COL11A2: variants seen among roughly 807,000 people sequenced by gnomAD.
COL11A2 encodes the protein collagen type XI alpha 2 chain, also known as collagen alpha-2(XI) chain.
A neutral mutation model predicts 273.4 loss-of-function variants in COL11A2; 116 were observed. The ratio of observed to expected loss-of-function variants is 0.42; its 90% CI spans 0.36 to 0.49. The LOEUF is 0.49. COL11A2 is among the 20% of genes least tolerant of loss of function. The probability of loss-of-function intolerance (pLI) is 0.00; values close to 1 mark genes in which losing one functional copy is unlikely to be tolerated. For synonymous variants in COL11A2, 782 were observed against 864.2 expected, an observed-to-expected ratio of 0.90 and a Z score of 1.67; for missense variants, 1,866 against 2,309.0, an observed-to-expected ratio of 0.81 and a Z score of 3.93.
chr6:33,185,956 G>A (rs1159040584), intron 5 of COL11A2, among the ~76,000 whole-genome samples, 178 bp from the exon 6 acceptor site: 3 of 151,766 alleles, frequency 2.0e-5, no homozygotes, highest in Admixed American at 1.3e-4. Context: ...AGGGAGGTGG[G>A]GAGAGGTGGA....
At chr6:33,184,032 G>A (rs1011865333) in intron 8 of COL11A2, 113 bp downstream of exon 8, 1 of 929,680 alleles carries the variant, frequency 1.1e-6, no homozygotes, top group Non-Finnish European at 1.6e-6. Context: ...AAAATGACAA[G>A]TCACAGATGG....
At chr6:33,175,903 A>G in intron 29 of COL11A2, 113 bp downstream of exon 29, 1 of 1,357,536 alleles carries the variant, frequency 7.4e-7, no homozygotes. Flanking sequence ...AAGGGAACAC[A>G]GCACTGGAAC....
In COL11A2 at chr6:33,171,103, G is replaced by A. The variant is rs754006806; in HGVS notation, c.3366+11C>T. 1.9e-6 allele frequency: 3 copies of A among 1,575,418 alleles called. No homozygotes were observed. The Admixed American group carries it at 5.7e-5, about 30-fold the overall frequency. On this transcript the variant is annotated intron_variant, in intron 45 of 65. Coordinates refer to ENST00000341947, the MANE Select transcript of COL11A2 (RefSeq NM_080680.3). ...TGCTGGGCCTTCGGTGGGGGTGGAG[G>A]GGTCACTCACCGCTGCTCCAGGCTG... is the stretch of plus-strand genomic sequence containing the variant.
chr6:33,192,725 C>T (rs1330555530), upstream of COL11A2, among the ~76,000 whole-genome samples: 2 of 152,126 alleles, frequency 1.3e-5, no homozygotes, highest in African/African-American at 4.8e-5. Flanking sequence ...CCCAAACGTC[C>T]AGTCACACAC....
chr6:33,188,275 T>G, intron 4 of COL11A2, 87 bp downstream of exon 4: 1 of 1,470,660 alleles, frequency 6.8e-7, no homozygotes, highest in Non-Finnish European at 9.5e-7. Flanking sequence ...GCCTAGGGAA[T>G]AGGAAGATGA....
In COL11A2 at chr6:33,180,894, G is replaced by C. The variant is rs541810051; in HGVS notation, c.1221+70C>G. 3.8e-6 allele frequency: 6 copies of C among 1,592,276 alleles called. No individual in the cohort carries two copies. In the East Asian group the frequency reaches 1.3e-4, roughly 36 times the overall value. ...AGGAGGAGGCCTGGGCATATGTGGG[G>C]AAGGCTCAGATGAGCACATAGAAGG... On this transcript the variant is annotated intron_variant, in intron 10 of 65. Coordinates refer to ENST00000341947, the MANE Select transcript of COL11A2 (RefSeq NM_080680.3).
chr6:33,172,697 G>A lies in COL11A2; in HGVS notation c.2791-60C>T, dbSNP rs140892262. 9.0e-5 allele frequency: 131 copies of A among 1,460,656 alleles called. 1 individual carries two copies. The highest frequency in any genetic ancestry group is 5.9e-4 in the East Asian group (26 of 43,928). 90.5% of individuals were successfully genotyped at this position (1,460,656 alleles called of 1,614,324 possible). ...CCCTTCATCTCGCTGTCTGCCAGAA[G>A]AGCCCACCCTGGCCACCCTAAAACA... On this transcript the variant is annotated intron_variant, in intron 38 of 65. Coordinates refer to ENST00000341947, the MANE Select transcript of COL11A2 (RefSeq NM_080680.3).
Position 33,174,543 on chromosome 6 carries a change from C to A in COL11A2, c.2414G>T (p.Gly805Val). 2 of 1,612,616 alleles carry A rather than the reference C, an allele frequency of 1.2e-6. No homozygotes were observed. Among genetic ancestry groups the A allele is most frequent in the South Asian group, 1.1e-5 (1 of 90,988 alleles). The part of the protein sequence containing the change: ...LGVPGLPGYP[G>V]RQGPKGSLGF... ...TGGCATCACCTTGGGTCCCTGACGT[C>A]CAGGATAGCCAGGCAGACCAGGAAC... Residue 805 changes from glycine to valine, a missense_variant, in exon 31 of 66, where the codon GGA becomes GTA. Physicochemically the swap from Gly to Val is moderately radical, Grantham distance 109. Coordinates refer to ENST00000341947, the MANE Select transcript of COL11A2 (RefSeq NM_080680.3).
chr6:33,166,407 G>T lies in COL11A2; in HGVS notation c.4392+106C>A. ...TGACAGGACAAATGGGGGACCCTGA[G>T]GACTATGCTTGTTAGGCTGGTAGTT... is the stretch of plus-strand genomic sequence containing the variant. On this transcript the variant is annotated intron_variant, in intron 60 of 65. Coordinates refer to ENST00000341947, the MANE Select transcript of COL11A2 (RefSeq NM_080680.3). This position sits in a 1 kb window ranked among gnomAD's most constrained non-coding sequence, Gnocchi z 4.8. The T allele has an allele frequency of 7.1e-7, 1 of 1,402,356 alleles. No homozygotes were observed. The highest frequency in any genetic ancestry group is 9.9e-7 in the Non-Finnish European group (1 of 1,011,638). 86.9% of individuals were successfully genotyped at this position (1,402,356 alleles called of 1,614,324 possible). A position where few individuals can be genotyped will look rare whatever the true frequency, so the allele number is the denominator to read the frequency against.
intron 5 of COL11A2, 113 bp downstream of exon 5, chr6:33,186,514 G>C: frequency 6.3e-7 from 1 of 1,580,206 alleles, no homozygotes; most frequent in Non-Finnish European, 8.6e-7. Flanking sequence ...TAGGAGGAGG[G>C]GGTGATGGGA....
In COL11A2 at chr6:33,177,438, C is replaced by T. The variant is rs1420166509; in HGVS notation, c.1945G>A (p.Gly649Arg). The change falls in exon 23 of 66, where the codon GGA (glycine) becomes AGA (arginine). Residue 649 changes from glycine (G) to arginine (R), a missense_variant. Coordinates refer to ENST00000341947, the MANE Select transcript of COL11A2 (RefSeq NM_080680.3). This position sits in a 1 kb window ranked among gnomAD's most constrained non-coding sequence, Gnocchi z 5.9. ...LGPQGEPGPP[G>R]QQGTPGTQGL... ...TGGGTCCCAGGGGTGCCCTGTTGTC[C>T]AGGAGGTCCTGGCTCTCCCTGGGGT... The T allele has an allele frequency of 6.2e-7, 1 of 1,612,928 alleles. No individual in the cohort carries two copies.
chr6:33,177,774 G>A lies in COL11A2; in HGVS notation c.1873-68C>T, dbSNP rs1014944635. Reference sequence around the variant, plus strand: ...AGGGACCTGTGGTTTTCAGAGGCCCGGCCATTCCCGAGGGTGTGACGGTCA... The same window carrying A: ...AGGGACCTGTGGTTTTCAGAGGCCCAGCCATTCCCGAGGGTGTGACGGTCA... On this transcript the variant is annotated intron_variant, in intron 21 of 65. Coordinates refer to ENST00000341947, the MANE Select transcript of COL11A2 (RefSeq NM_080680.3). The surrounding 1 kb of genome is among the most constrained non-coding windows in gnomAD (Gnocchi z 5.9). 1.7e-5 allele frequency: 26 copies of A among 1,558,924 alleles called. No homozygotes were observed. The highest frequency in any genetic ancestry group is 6.8e-5 in the African/African-American group (5 of 73,730).
rs1297990675 is a variant in COL11A2, at chr6:33,163,604, G to C, written c.*74C>G. On this transcript the variant is annotated 3_prime_UTR_variant, in exon 66 of 66. Transcript: ENST00000341947. The surrounding 1 kb of genome is among the most constrained non-coding windows in gnomAD (Gnocchi z 4.1). ...TAGATAGTGAGGAGCCCTCTTGGGA[G>C]GTGGCACAGAGCTGATGTTGTGGGA... The C allele has an allele frequency of 2.5e-6, 4 of 1,608,702 alleles. No individual in the cohort carries two copies. The highest frequency in any genetic ancestry group is 2.2e-5 in the South Asian group (2 of 91,020).
chr6:33,172,657 G>T lies in COL11A2; in HGVS notation c.2791-20C>A. 1 of 1,593,226 alleles carries T rather than the reference G, an allele frequency of 6.3e-7. No homozygotes were observed. The highest frequency in any genetic ancestry group is 8.6e-7 in the Non-Finnish European group (1 of 1,163,926). ...TGCTCCCTAGACAAAAGCAGAGAGA[G>T]TTCCTGCTCTCAGGCCCTTCATCTC... is the stretch of plus-strand genomic sequence containing the variant. On this transcript the variant is annotated intron_variant, in intron 38 of 65. Transcript: ENST00000341947.
chr6:33,174,001 C>A lies in COL11A2; in HGVS notation c.2529+10G>T, dbSNP rs1372276929. The A allele has an allele frequency of 1.2e-6, 2 of 1,614,076 alleles. No homozygotes were observed. Among genetic ancestry groups the A allele is most frequent in the South Asian group, 2.2e-5 (2 of 91,080 alleles). ...ACCTTGAGCCACCTGTTTCTCTCCC[C>A]TGCACTCACCGTGGGGCCCCGTTCT... On this transcript the variant is annotated intron_variant, in intron 33 of 65. Transcript: ENST00000341947.
At position 33,167,056 on chromosome 6, in the gene COL11A2, T is replaced by G; in HGVS notation, c.4230+14A>C. ...TGGGAGAGACACCTGGCCACGTGTCTGTCTGTCACTCACCTTCTCTCCCTT... is the reference window on the plus strand; with the variant it reads ...TGGGAGAGACACCTGGCCACGTGTCGGTCTGTCACTCACCTTCTCTCCCTT... On this transcript the variant is annotated intron_variant, in intron 58 of 65. Transcript: ENST00000341947. The surrounding 1 kb of genome is among the most constrained non-coding windows in gnomAD (Gnocchi z 6.1). 5 of 1,613,248 alleles carry G rather than the reference T, an allele frequency of 3.1e-6. No homozygotes were observed. Among genetic ancestry groups the G allele is most frequent in the Non-Finnish European group, 4.2e-6 (5 of 1,179,952 alleles).
chr6:33,183,288 G>A (rs1278363414), intron 8 of COL11A2, among the ~76,000 whole-genome samples: 1 of 152,172 alleles, frequency 6.6e-6, no homozygotes, highest in Admixed American at 6.5e-5. Context: ...AACAGGAAGT[G>A]GCTGAACAGA....
In COL11A2 at chr6:33,169,098, G is replaced by C. The variant is rs1769652476; in HGVS notation, c.3799-90C>G. 1 of 1,307,614 alleles carries C rather than the reference G, an allele frequency of 7.6e-7. No individual in the cohort carries two copies. Among genetic ancestry groups the C allele is most frequent in the Admixed American group, 2.3e-5 (1 of 44,154 alleles). The allele number at this position is 1,307,614 out of a possible 1,614,324, so 81.0% of individuals were successfully genotyped here. Reference sequence around the variant, plus strand: ...ACAGGCACACGCCACTGCCTCTCTAGAGGCAGTGCCCACCAGTACCCCCCA... The same window carrying C: ...ACAGGCACACGCCACTGCCTCTCTACAGGCAGTGCCCACCAGTACCCCCCA... On this transcript the variant is annotated intron_variant, in intron 51 of 65. Coordinates refer to ENST00000341947, the MANE Select transcript of COL11A2 (RefSeq NM_080680.3). The surrounding 1 kb of genome is among the most constrained non-coding windows in gnomAD (Gnocchi z 5.5).
rs761687232 is a variant in COL11A2, at chr6:33,171,155, G to C, written c.3325C>G (p.Pro1109Ala). The part of the protein sequence containing the change: ...GNKGEHGPPG[P>A]PGPIGPVGQP... Reference sequence around the variant, plus strand: ...CCCACAGGACCAATGGGTCCAGGGGGTCCAGGAGGGCCCTGGGTAAGAGAA... The same window carrying C: ...CCCACAGGACCAATGGGTCCAGGGGCTCCAGGAGGGCCCTGGGTAAGAGAA... Residue 1109 changes from proline (P) to alanine (A), a missense_variant, in exon 45 of 66, where the codon CCC (proline) becomes GCC (alanine). Physicochemically the swap from Pro to Ala is conservative, Grantham distance 27 (BLOSUM62 -1). Transcript: ENST00000341947. 2 of 1,603,034 alleles carry C rather than the reference G, an allele frequency of 1.2e-6. No individual in the cohort carries two copies.
Sources: allele counts gnomAD v4.1 joint callset (sites outside exome capture counted in the v4.1 genomes callset), GRCh38; gene constraint gnomAD v4.1.1; non-coding constraint Gnocchi (gnomAD v3.1); transcripts MANE v1.5; gene names NCBI Gene and HGNC (gene_info 2026-07-23, HGNC 2026-07-21).